UTP18: variants seen among roughly 807,000 people sequenced by gnomAD.
The protein encoded by UTP18 is UTP18 small subunit processome component, also known as U3 small nucleolar RNA-associated protein 18 homolog.
Under a neutral mutation model 61.1 loss-of-function variants are expected in UTP18, and 36 were observed. The ratio of observed to expected loss-of-function variants is 0.59; its 90% CI spans 0.45 to 0.78. UTP18 has a LOEUF of 0.78. Among genes scored for constraint, UTP18 ranks in the 30% least tolerant of loss-of-function variants. The pLI, the probability that UTP18 is intolerant of heterozygous loss-of-function variation, is 0.00. For synonymous variants in UTP18, 282 were observed against 251.1 expected (o/e 1.12, Z -1.16); for missense variants, 753 against 693.9 (o/e 1.09, Z -0.96).
At chr17:51,269,613 C>G (rs1473855518) in intron 4 of UTP18, among the ~76,000 whole-genome samples, 1 of 152,070 alleles carries the variant, frequency 6.6e-6, no homozygotes, top group African/African-American at 2.4e-5. Flanking sequence ...TTTCTTCCTA[C>G]CCTGTTAGTC....
intron 3 of UTP18, among the ~76,000 whole-genome samples, chr17:51,267,414 AT>A (rs1475349629): frequency 6.6e-6 from 1 of 150,538 alleles, no homozygotes; most frequent in African/African-American, 2.4e-5. Flanking sequence ...TATATTTAGA[AT>A]GTTGTGCCAC....
At chr17:51,264,874 G>C (rs2055544089) in intron 2 of UTP18, among the ~76,000 whole-genome samples, 1 of 151,658 alleles carries the variant, frequency 6.6e-6, no homozygotes, top group Admixed American at 6.6e-5. Flanking sequence ...GTAGAGACGG[G>C]GTTTTACCAT....
chr17:51,261,636 A>G (rs2055486881), intron 1 of UTP18, among the ~76,000 whole-genome samples: 1 of 152,198 alleles, frequency 6.6e-6, no homozygotes, highest in South Asian at 2.1e-4. Context: ...TGGCAGAGAC[A>G]AGATAGAGGA....
chr17:51,289,828 A>G (rs1196313036), intron 11 of UTP18, among the ~76,000 whole-genome samples: 2 of 152,234 alleles, frequency 1.3e-5, no homozygotes, highest in African/African-American at 4.8e-5. Context: ...ATCGTTTACA[A>G]AGATTTACAA....
At chr17:51,288,439 A>G (rs1042562172) in intron 11 of UTP18, 102 of 521,436 alleles carry the variant, frequency 2.0e-4, no homozygotes, top group East Asian at 6.0e-4. Context: ...CACCATTCCT[A>G]AAGTGGTCCT....
At chr17:51,267,205 T>C (rs1486660011) in intron 3 of UTP18, among the ~76,000 whole-genome samples, 1 of 152,192 alleles carries the variant, frequency 6.6e-6, no homozygotes, top group Middle Eastern at 3.2e-3. Context: ...TCAAGCGATC[T>C]GCCCTTCTTG....
intron 4 of UTP18, 120 bp downstream of exon 4, chr17:51,269,024 C>G (rs546660282): frequency 1.8e-4 from 177 of 956,916 alleles, no homozygotes; most frequent in Non-Finnish European, 2.6e-4. Flanking sequence ...CGGTAGCTCA[C>G]GCCTGTCATC....
At chr17:51,264,935 G>A (rs541324725) in intron 2 of UTP18, among the ~76,000 whole-genome samples, 6 of 151,940 alleles carry the variant, frequency 3.9e-5, no homozygotes, top group South Asian at 4.2e-4. Context: ...TGTTTGCCTC[G>A]GCCTCCTAAA....
At chr17:51,294,240 G>A (rs889216699) in intron 12 of UTP18, among the ~76,000 whole-genome samples, 195 bp downstream of exon 12, 4 of 151,792 alleles carry the variant, frequency 2.6e-5, no homozygotes, top group Non-Finnish European at 2.9e-5. Context: ...GGGTACATGT[G>A]TGCACTGTGC....
At position 51,287,629 on chromosome 17, in the gene UTP18, G is replaced by A. The variant is rs1597852934; in HGVS notation, c.1329-400G>A. On this transcript the variant is annotated intron_variant, in intron 10 of 13. Coordinates refer to ENST00000225298, the MANE Select transcript of UTP18 (RefSeq NM_016001.3). ...ACCCCCACAAACCTTTAGGAATGCAGTGCATAATTAGGACTAAAGGCACTG... is the reference window on the plus strand; with the variant it reads ...ACCCCCACAAACCTTTAGGAATGCAATGCATAATTAGGACTAAAGGCACTG... Among the ~76,000 whole-genome samples, 3 of 152,280 alleles carry A rather than the reference G, an allele frequency of 2.0e-5. No homozygotes were observed. In the East Asian group the frequency reaches 5.8e-4, roughly 29 times the overall value.
intron 1 of UTP18, 77 bp from the exon 2 acceptor site, chr17:51,263,196 AT>A: frequency 8.7e-7 from 1 of 1,147,006 alleles, no homozygotes; most frequent in Non-Finnish European, 1.3e-6. Flanking sequence ...TCTATGAGCC[AT>A]TTGGCTGTAA....
intron 6 of UTP18, 104 bp from the exon 7 acceptor site, chr17:51,277,026 T>C (rs969040438): frequency 3.4e-5 from 42 of 1,249,170 alleles, no homozygotes; most frequent in Non-Finnish European, 4.6e-5. Context: ...CTTCAGCCCC[T>C]TGGATATGTA....
chr17:51,288,965 T>TTA (rs2144440971), intron 11 of UTP18, among the ~76,000 whole-genome samples: 1 of 152,316 alleles, frequency 6.6e-6, no homozygotes, highest in South Asian at 2.1e-4. Flanking sequence ...CAGAAGGTTT[T>TTA]TATTGGGACT....
rs536744056 is a variant in UTP18 at position 51,271,291 on chromosome 17, G to A, written c.623-2071G>A. Among the ~76,000 whole-genome samples, 5 of 152,056 alleles carry A rather than the reference G, an allele frequency of 3.3e-5. No homozygotes were observed. The South Asian group carries it at 1.0e-3, about 32-fold the overall frequency. On this transcript the variant is annotated intron_variant, in intron 4 of 13. Transcript: ENST00000225298. ...ATTATTAGTAATACGTATATTAAAT[G>A]TCTTCCACCTATTTTTTGGTTTGGT...
At chr17:51,274,705 G>A (rs1235965429) in intron 5 of UTP18, among the ~76,000 whole-genome samples, 1 of 151,640 alleles carries the variant, frequency 6.6e-6, no homozygotes, top group Non-Finnish European at 1.5e-5. Context: ...GCCCGCCTCA[G>A]CTCCCAACGT....
chr17:51,276,985 T>A, intron 6 of UTP18, 145 bp from the exon 7 acceptor site: 1 of 781,050 alleles, frequency 1.3e-6, no homozygotes, highest in South Asian at 2.0e-5. Context: ...CATGGTTGAT[T>A]AAATCACTGG....
chr17:51,277,154 A>C lies in UTP18; in HGVS notation c.862A>C (p.Ile288Leu). The C allele has an allele frequency of 6.2e-7, 1 of 1,614,046 alleles. No individual in the cohort carries two copies. The highest frequency in any genetic ancestry group is 1.3e-5 in the African/African-American group (1 of 75,048). The change falls in exon 7 of 14, where the codon ATT (isoleucine) becomes CTT (leucine). Residue 288 changes from isoleucine to leucine, a missense_variant. By Grantham distance (5) the Ile-to-Leu change is conservative. Coordinates refer to ENST00000225298, the MANE Select transcript of UTP18 (RefSeq NM_016001.3). ...GGTTGATGGGAAAACAAATCCTAAA[A>C]TTCAGAGCATCTATTTGGAAAGGTT... The part of the protein sequence containing the change: ...FQVDGKTNPK[I>L]QSIYLERFPI...
At position 51,297,897 on chromosome 17, in the gene UTP18, ATGTCT is replaced by A. The variant is rs1178163804; in HGVS notation, c.*132_*136del. ...ATCCAGCTGTGCTTAAGAGCCAGTA[ATGTCT>A]TAATAAACATGTGGCAGCTTTTGTT... On this transcript the variant is annotated 3_prime_UTR_variant, in exon 14 of 14. Transcript: ENST00000225298. 3.1e-6 allele frequency: 1 copy of A among 318,066 alleles called. No homozygotes were observed. The highest frequency in any genetic ancestry group is 5.9e-6 in the Non-Finnish European group (1 of 168,450). The allele number at this position is 318,066 out of a possible 1,614,324, so 19.7% of individuals were successfully genotyped here.
At chr17:51,286,885 G>A (rs897456124) in intron 10 of UTP18, among the ~76,000 whole-genome samples, 99 of 152,058 alleles carry the variant, frequency 6.5e-4, no homozygotes, top group African/African-American at 2.4e-3. Context: ...GTGCAGGTTT[G>A]TTACATATGT....
Sources: allele counts gnomAD v4.1 joint callset (sites outside exome capture counted in the v4.1 genomes callset), GRCh38; gene constraint gnomAD v4.1.1; transcripts MANE v1.5; gene names NCBI Gene and HGNC (gene_info 2026-07-23, HGNC 2026-07-21).